Variants in CAMKMT observed in about 807,000 individuals in gnomAD.
The protein encoded by CAMKMT is CaM KMT.
A neutral mutation model predicts 48.0 loss-of-function variants in CAMKMT; 53 were observed. The observed-to-expected ratio is 1.10, with a 90% CI of 0.89 to 1.39. The LOEUF is 1.39. Ranked by LOEUF, CAMKMT falls within the 40% of genes most tolerant of loss-of-function variation. The probability of loss-of-function intolerance (pLI) is 0.00; values close to 1 mark genes in which losing one functional copy is unlikely to be tolerated. For missense variants in CAMKMT, 428 were observed against 402.7 expected (o/e 1.06, Z -0.54); for synonymous variants, 165 against 152.3 (o/e 1.08, Z -0.61).
At chr2:44,581,727 G>A (rs1282158830) in intron 3 of CAMKMT, among the ~76,000 whole-genome samples, 14 of 152,320 alleles carry the variant, frequency 9.2e-5, no homozygotes, top group East Asian at 3.9e-4. Context: ...TTTGCCGGGC[G>A]TGGTGGCTCA....
intron 1 of CAMKMT, among the ~76,000 whole-genome samples, chr2:44,372,473 A>G (rs1022409400): frequency 6.6e-5 from 10 of 152,156 alleles, no homozygotes; most frequent in Admixed American, 6.6e-4. Flanking sequence ...TCTCAAAAAA[A>G]AAAAAAAAAG....
intron 3 of CAMKMT, among the ~76,000 whole-genome samples, chr2:44,571,456 A>G (rs1216464354): frequency 5.3e-5 from 8 of 152,224 alleles, no homozygotes; most frequent in Admixed American, 3.9e-4. Flanking sequence ...GTTTAAATCT[A>G]GTCTGCTATT....
At chr2:44,406,232 T>C (rs1002720199) in intron 3 of CAMKMT, among the ~76,000 whole-genome samples, 11 of 152,196 alleles carry the variant, frequency 7.2e-5, no homozygotes, top group African/African-American at 2.7e-4. Flanking sequence ...ATTATAGCAT[T>C]GCTCCAAAAG....
intron 3 of CAMKMT, among the ~76,000 whole-genome samples, chr2:44,655,292 GTT>G (rs1217885890): frequency 6.6e-6 from 1 of 152,108 alleles, no homozygotes; most frequent in East Asian, 1.9e-4. Context: ...GTTTTAGATG[GTT>G]TTCAAACATT....
At chr2:44,600,821 CTTTCT>C (rs1433128872) in intron 3 of CAMKMT, among the ~76,000 whole-genome samples, 1 of 151,956 alleles carries the variant, frequency 6.6e-6, no homozygotes, top group Non-Finnish European at 1.5e-5. Flanking sequence ...AATGTTTTCC[CTTTCT>C]TTTCTATCAG....
chr2:44,680,377 T>C (rs1433809190), intron 3 of CAMKMT, among the ~76,000 whole-genome samples: 1 of 152,116 alleles, frequency 6.6e-6, no homozygotes, highest in Non-Finnish European at 1.5e-5. Context: ...GACAGACAGT[T>C]AAAAGCCTCT....
intron 3 of CAMKMT, among the ~76,000 whole-genome samples, chr2:44,596,284 A>G (rs1283281674): frequency 6.6e-6 from 1 of 151,730 alleles, no homozygotes; most frequent in East Asian, 1.9e-4. Context: ...CCCTGTCTCT[A>G]CCAAAAAATA....
intron 3 of CAMKMT, among the ~76,000 whole-genome samples, chr2:44,682,123 C>A (rs1200982571): frequency 6.6e-6 from 1 of 152,128 alleles, no homozygotes; most frequent in Non-Finnish European, 1.5e-5. Flanking sequence ...CCCTTTAATT[C>A]CCTTTTTTAC....
chr2:44,533,499 A>G (rs1254977702), intron 3 of CAMKMT, among the ~76,000 whole-genome samples: 1 of 152,218 alleles, frequency 6.6e-6, no homozygotes, highest in Non-Finnish European at 1.5e-5. Flanking sequence ...TTGGCCTCCC[A>G]AAGTGTTGGG....
chr2:44,768,400 G>A (rs567102756), intron 10 of CAMKMT, among the ~76,000 whole-genome samples: 1 of 145,738 alleles, frequency 6.9e-6, no homozygotes, highest in Non-Finnish European at 1.5e-5. Flanking sequence ...TATTTCAGCT[G>A]GTGTGGGGTT....
chr2:44,689,912 C>T (rs1676547007), intron 3 of CAMKMT, among the ~76,000 whole-genome samples: 1 of 152,116 alleles, frequency 6.6e-6, no homozygotes, highest in Admixed American at 6.5e-5. Context: ...GAGCTGTGCT[C>T]AATATTGGAG....
chr2:44,507,150 T>C (rs1306677412), intron 3 of CAMKMT, among the ~76,000 whole-genome samples: 2 of 152,196 alleles, frequency 1.3e-5, no homozygotes, highest in Admixed American at 6.5e-5. Context: ...GAATAGAAGT[T>C]ATTAATGAGC....
chr2:44,418,042 A>C (rs1311290734), intron 3 of CAMKMT, among the ~76,000 whole-genome samples: 1 of 152,154 alleles, frequency 6.6e-6, no homozygotes, highest in East Asian at 1.9e-4. Flanking sequence ...AAATATAAAA[A>C]GTAGTCGGGC....
At chr2:44,611,756 C>A (rs1671610891) in intron 3 of CAMKMT, among the ~76,000 whole-genome samples, 1 of 151,824 alleles carries the variant, frequency 6.6e-6, no homozygotes, top group African/African-American at 2.4e-5. Context: ...CCGGCATCTG[C>A]TTGGCTTCTA....
intron 3 of CAMKMT, among the ~76,000 whole-genome samples, chr2:44,508,457 A>G (rs1446858583): frequency 6.6e-6 from 1 of 152,120 alleles, no homozygotes; most frequent in South Asian, 2.1e-4. Context: ...CAGTGTTTAA[A>G]AATTCCGAGC....
chr2:44,531,760 T>A (rs1666496901), intron 3 of CAMKMT, among the ~76,000 whole-genome samples: 2 of 152,218 alleles, frequency 1.3e-5, no homozygotes, highest in African/African-American at 4.8e-5. Context: ...TTGAATCTCA[T>A]GATATTACAC....
intron 7 of CAMKMT, 98 bp downstream of exon 7, chr2:44,715,451 C>T (rs1678126861): frequency 2.4e-6 from 2 of 848,024 alleles, no homozygotes; most frequent in Admixed American, 2.2e-5. Flanking sequence ...ATTTATTGAG[C>T]ACCTGCTGTG....
chr2:44,376,284 CATGCCTG>C (rs1679682252), intron 2 of CAMKMT, among the ~76,000 whole-genome samples: 1 of 151,938 alleles, frequency 6.6e-6, no homozygotes, highest in African/African-American at 2.4e-5. Flanking sequence ...CATGGTGGTT[CATGCCTG>C]TAATCCCAGT....
intron 3 of CAMKMT, among the ~76,000 whole-genome samples, chr2:44,666,610 A>ATTTTTTTTTTT (rs1674984437): frequency 4.3e-5 from 6 of 140,518 alleles, no homozygotes; most frequent in African/African-American, 1.2e-4. Flanking sequence ...GGCTCCTGGA[A>ATTTTTTTTTTT]TCTTTTTTTT....
Sources: gnomAD v4.1 joint callset for allele counts (sites outside exome capture counted in the v4.1 genomes callset) on GRCh38, gnomAD v4.1.1 for gene constraint, MANE v1.5 for transcripts, NCBI Gene and HGNC (gene_info 2026-07-23, HGNC 2026-07-21) for gene names.